Variants in YTHDC2 observed in about 807,000 individuals in gnomAD.
YTHDC2 encodes 3'-5' RNA helicase YTHDC2.
A neutral mutation model predicts 174.9 loss-of-function variants in YTHDC2; 45 were observed. The observed-to-expected ratio is 0.26, with a 90% CI of 0.20 to 0.33. YTHDC2 has a LOEUF of 0.33. YTHDC2 is among the 10% of genes least tolerant of loss of function. The pLI, the probability that YTHDC2 is intolerant of heterozygous loss-of-function variation, is 1.00. For missense variants in YTHDC2, 1,650 were observed against 1,723.7 expected, an observed-to-expected ratio of 0.96 and a Z score of 0.76; for synonymous variants, 657 against 574.5, an observed-to-expected ratio of 1.14 and a Z score of -2.05.
At chr5:113,546,651 C>G (rs1775906390) in intron 10 of YTHDC2, among the ~76,000 whole-genome samples, 1 of 152,200 alleles carries the variant, frequency 6.6e-6, no homozygotes, top group Non-Finnish European at 1.5e-5. Flanking sequence ...GATTCTAACA[C>G]TTAGAAGCCT....
At chr5:113,518,718 G>A (rs558802469) in intron 2 of YTHDC2, among the ~76,000 whole-genome samples, 59 of 151,708 alleles carry the variant, frequency 3.9e-4, no homozygotes, top group African/African-American at 1.4e-3. Context: ...TCTTATTTGG[G>A]CTTTTTATAT....
In YTHDC2 at chr5:113,553,576, CATT is replaced by C. The variant is rs1776407406; in HGVS notation, c.1868-13_1868-11del. The C allele has an allele frequency of 6.2e-7, 1 of 1,609,780 alleles. No homozygotes were observed. Among genetic ancestry groups the C allele is most frequent in the Non-Finnish European group, 8.5e-7 (1 of 1,177,774 alleles). On this transcript the variant is annotated splice_polypyrimidine_tract_variant and intron_variant, in intron 13 of 29. Transcript: ENST00000161863. ...ACAATGAGATTTAATATTAAAAAGT[CATT>C]CTTCTCCAAGGTGCAGTACTAATTT...
chr5:113,581,354 T>C, intron 24 of YTHDC2, 63 bp from the exon 25 acceptor site: 2 of 1,380,112 alleles, frequency 1.4e-6, no homozygotes, highest in Non-Finnish European at 1.9e-6. Flanking sequence ...TGGAAACTAA[T>C]CAACACATAG....
chr5:113,575,878 C>T (rs930531597), intron 23 of YTHDC2, among the ~76,000 whole-genome samples: 3 of 151,918 alleles, frequency 2.0e-5, no homozygotes, highest in Non-Finnish European at 2.9e-5. Context: ...GGATAGTGAT[C>T]GCTGATATGA....
intron 12 of YTHDC2, 42 bp from the exon 13 acceptor site, chr5:113,553,138 TA>T: frequency 1.4e-6 from 2 of 1,450,254 alleles, no homozygotes. Flanking sequence ...TTACTTTTGT[TA>T]ATGGAAATTG....
At chr5:113,575,823 A>C (rs1778008015) in intron 23 of YTHDC2, among the ~76,000 whole-genome samples, 1 of 152,190 alleles carries the variant, frequency 6.6e-6, no homozygotes, top group Non-Finnish European at 1.5e-5. Context: ...GGAGGCAGGT[A>C]GGAGGCTTTT....
intron 23 of YTHDC2, among the ~76,000 whole-genome samples, chr5:113,570,993 T>G (rs768421951): frequency 1.2e-4 from 18 of 152,100 alleles, no homozygotes; most frequent in Non-Finnish European, 1.9e-4. Flanking sequence ...CCTGATTTCC[T>G]TGGCCTGAAC....
chr5:113,538,276 A>G (rs1775219571), intron 7 of YTHDC2, among the ~76,000 whole-genome samples: 1 of 152,112 alleles, frequency 6.6e-6, no homozygotes, highest in East Asian at 1.9e-4. Context: ...CATTCTCCAT[A>G]TTGCAGTCAG....
chr5:113,569,829 CT>C (rs1395676401), intron 23 of YTHDC2, among the ~76,000 whole-genome samples: 2 of 152,080 alleles, frequency 1.3e-5, no homozygotes, highest in African/African-American at 4.8e-5. Flanking sequence ...TATATGGTCT[CT>C]TTTGGTTCCA....
intron 18 of YTHDC2, among the ~76,000 whole-genome samples, chr5:113,561,957 G>GGTGTGTGTGTGTGTGTGTGTGT (rs70973686): frequency 5.0e-4 from 68 of 134,956 alleles, no homozygotes; most frequent in Non-Finnish European, 6.2e-4. Flanking sequence ...ATTAATTGTG[G>GGTGTGTGTGTGTGTGTGTGTGT]GTGTGTGTGT....
At chr5:113,552,552 A>G (rs1321758869) in intron 12 of YTHDC2, among the ~76,000 whole-genome samples, 1 of 152,134 alleles carries the variant, frequency 6.6e-6, no homozygotes, top group Non-Finnish European at 1.5e-5. Context: ...GTTTGTTTGT[A>G]TATTTGTCAA....
chr5:113,592,847 A>G (rs1205709582), intron 28 of YTHDC2: 1 of 152,524 alleles, frequency 6.6e-6, no homozygotes, highest in Non-Finnish European at 1.5e-5. Context: ...TATGTTAGCT[A>G]GAAATCTTAG....
chr5:113,554,653 C>G (rs572409055), intron 16 of YTHDC2, among the ~76,000 whole-genome samples: 21 of 151,858 alleles, frequency 1.4e-4, no homozygotes, highest in African/African-American at 5.1e-4. Flanking sequence ...TACTGCAAGG[C>G]AGATTGGAGT....
In YTHDC2 at chr5:113,567,185, T is replaced by C; in HGVS notation, c.2936T>C (p.Met979Thr). 1.2e-6 allele frequency: 2 copies of C among 1,613,872 alleles called. No homozygotes were observed. The highest frequency in any genetic ancestry group is 1.1e-5 in the South Asian group (1 of 91,068). Residue 979 changes from methionine (M) to threonine (T), a missense_variant, in exon 22 of 30, where the codon ATG becomes ACG. Transcript: ENST00000161863. ...GTTAAAGCTGCATTGGTGGCAGGCATGTATCCTAATTTAGTCCACGTGGAC... is the reference window on the plus strand; with the variant it reads ...GTTAAAGCTGCATTGGTGGCAGGCACGTATCCTAATTTAGTCCACGTGGAC... Reference protein sequence around the residue: ...AVVKAALVAGMYPNLVHVDRE... With the variant: ...AVVKAALVAGTYPNLVHVDRE...
intron 12 of YTHDC2, among the ~76,000 whole-genome samples, chr5:113,549,688 A>AC (rs1776116846): frequency 6.6e-6 from 1 of 151,644 alleles, no homozygotes; most frequent in African/African-American, 2.4e-5. Context: ...ATTACAATCT[A>AC]CCCCCCACGC....
Position 113,594,948 on chromosome 5 carries a change from G to A in YTHDC2, c.*1474G>A, listed in dbSNP as rs1434725317. On this transcript the variant is annotated 3_prime_UTR_variant, in exon 30 of 30. Coordinates refer to ENST00000161863, the MANE Select transcript of YTHDC2 (RefSeq NM_022828.5). ...TATAGTTCTAGTTATTAGCTTTGGG[G>A]TTTTCTTGTACTTTAAGACATACCT... 3.3e-5 allele frequency: 5 copies of A among 152,014 alleles called. No homozygotes were observed. Among genetic ancestry groups the A allele is most frequent in the African/African-American group, 1.2e-4 (5 of 41,398 alleles). 9.4% of individuals were successfully genotyped at this position (152,014 alleles called of 1,614,324 possible).
chr5:113,557,944 T>C (rs1338713396), intron 17 of YTHDC2, among the ~76,000 whole-genome samples: 2 of 152,206 alleles, frequency 1.3e-5, no homozygotes, highest in South Asian at 2.1e-4. Flanking sequence ...CATAGCCTGA[T>C]AGGTAAAGCT....
chr5:113,586,423 T>G (rs2112808682), intron 26 of YTHDC2, among the ~76,000 whole-genome samples: 1 of 152,112 alleles, frequency 6.6e-6, no homozygotes, highest in Non-Finnish European at 1.5e-5. Context: ...GCTTAATTAT[T>G]ATATGTTTTG....
intron 26 of YTHDC2, among the ~76,000 whole-genome samples, chr5:113,590,571 T>G (rs1778953103): frequency 6.6e-6 from 1 of 152,212 alleles, no homozygotes; most frequent in Admixed American, 6.5e-5. Flanking sequence ...TCTCTTTATG[T>G]GCAGCTCCTT....
Sources: allele counts gnomAD v4.1 joint callset (sites outside exome capture counted in the v4.1 genomes callset), GRCh38; gene constraint gnomAD v4.1.1; transcripts MANE v1.5; gene names NCBI Gene and HGNC (gene_info 2026-07-23, HGNC 2026-07-21).